LURAP1L: variants seen among roughly 807,000 people sequenced by gnomAD.
LURAP1L encodes the protein leucine rich adaptor protein 1 like.
LURAP1L carries 12 observed loss-of-function variants against 13.8 expected under a neutral mutation model. That is an observed-to-expected ratio of 0.87 (90% confidence interval 0.56 to 1.41). The LOEUF (loss-of-function observed/expected upper bound fraction) is 1.41. LURAP1L is among the 40% of genes most tolerant of loss of function. The pLI is 0.00. For missense variants in LURAP1L, 375 were observed against 292.9 expected (o/e 1.28, Z -2.04); for synonymous variants, 139 against 119.2 (o/e 1.17, Z -1.08).
chr9:12,783,463 T>A (rs1451874149), intron 1 of LURAP1L, among the ~76,000 whole-genome samples: 1 of 152,212 alleles, frequency 6.6e-6, no homozygotes, highest in African/African-American at 2.4e-5. Context: ...GAAATTATCA[T>A]ATGGTTTATT....
Position 12,821,609 on chromosome 9 carries a change from T to C in LURAP1L, c.536T>C (p.Val179Ala). 1 of 1,614,122 alleles carries C rather than the reference T, an allele frequency of 6.2e-7. No individual in the cohort carries two copies. Among genetic ancestry groups the C allele is most frequent in the Non-Finnish European group, 8.5e-7 (1 of 1,180,022 alleles). ...AGTGATGGGCTGGATGGCATTTCCG[T>C]GGGAAGTTATCTGGACACGTTGGCG... Reference protein sequence around the residue: ...DGSDGLDGISVGSYLDTLADD... With the variant: ...DGSDGLDGISAGSYLDTLADD... Residue 179 changes from valine (V) to alanine (A), a missense_variant, in exon 2 of 2, where the codon GTG becomes GCG. Transcript: ENST00000319264.
At chr9:12,818,806 C>T (rs983893688) in intron 1 of LURAP1L, among the ~76,000 whole-genome samples, 2 of 152,016 alleles carry the variant, frequency 1.3e-5, no homozygotes, top group South Asian at 2.1e-4. Context: ...TAAATGCAGC[C>T]GTGATTTATT....
chr9:12,822,343 G>T lies in LURAP1L; in HGVS notation c.*583G>T, dbSNP rs1182047483. ...GAAAGTCCCCAACTATACACATTCT[G>T]TTCAACCAACTCACCCTTGTGTTGG... is the stretch of plus-strand genomic sequence containing the variant. On this transcript the variant is annotated 3_prime_UTR_variant, in exon 2 of 2. Coordinates refer to ENST00000319264, the MANE Select transcript of LURAP1L (RefSeq NM_203403.2). Among the ~76,000 whole-genome samples the T allele has an allele frequency of 1.3e-5, 2 of 152,124 alleles. No homozygotes were observed. Among genetic ancestry groups the T allele is most frequent in the Admixed American group, 6.5e-5 (1 of 15,276 alleles).
intron 1 of LURAP1L, among the ~76,000 whole-genome samples, chr9:12,798,234 C>G (rs1472633627): frequency 6.6e-6 from 1 of 152,140 alleles, no homozygotes; most frequent in East Asian, 1.9e-4. Flanking sequence ...TGGACATGTC[C>G]TGATGAGCTC....
intron 1 of LURAP1L, among the ~76,000 whole-genome samples, chr9:12,818,079 C>T (rs796372256): frequency 1.2e-4 from 17 of 147,052 alleles, no homozygotes; most frequent in Admixed American, 4.9e-4. Flanking sequence ...TTGCTTGTGT[C>T]GTTTTTTTCC....
chr9:12,785,844 T>C (rs767511915), intron 1 of LURAP1L, among the ~76,000 whole-genome samples: 1 of 152,212 alleles, frequency 6.6e-6, no homozygotes, highest in East Asian at 1.9e-4. Flanking sequence ...GTTCACCTGA[T>C]ACTTGGTTCT....
At chr9:12,787,748 A>G (rs1819377400) in intron 1 of LURAP1L, among the ~76,000 whole-genome samples, 2 of 152,120 alleles carry the variant, frequency 1.3e-5, no homozygotes, top group South Asian at 4.1e-4. Flanking sequence ...GGGACAAAAA[A>G]TACTTCACCG....
chr9:12,802,520 G>T (rs2118516274), intron 1 of LURAP1L, among the ~76,000 whole-genome samples: 1 of 152,222 alleles, frequency 6.6e-6, no homozygotes, highest in South Asian at 2.1e-4. Context: ...GTTTCCTGAG[G>T]CCTCTCCAGA....
intron 1 of LURAP1L, among the ~76,000 whole-genome samples, chr9:12,820,395 CG>C (rs575657386): frequency 1.2e-3 from 175 of 149,486 alleles, no homozygotes; most frequent in Middle Eastern, 0.011. Context: ...CCCAGCTACT[CG>C]GGAGGCTGAG....
chr9:12,814,946 C>A (rs1367951612), intron 1 of LURAP1L, among the ~76,000 whole-genome samples: 2 of 152,130 alleles, frequency 1.3e-5, no homozygotes, highest in Non-Finnish European at 2.9e-5. Flanking sequence ...AAATTTTGAA[C>A]TGACTGAGAA....
At chr9:12,806,378 T>G (rs1053458595) in intron 1 of LURAP1L, among the ~76,000 whole-genome samples, 5 of 151,694 alleles carry the variant, frequency 3.3e-5, no homozygotes, top group Non-Finnish European at 5.9e-5. Flanking sequence ...ACCTTTGAGA[T>G]TATCTTTTTT....
chr9:12,798,834 T>C (rs778898334), intron 1 of LURAP1L, among the ~76,000 whole-genome samples: 12 of 152,204 alleles, frequency 7.9e-5, no homozygotes, highest in African/African-American at 1.2e-4. Context: ...ATCAGCAAAA[T>C]GTGCGAGTGA....
intron 1 of LURAP1L, among the ~76,000 whole-genome samples, chr9:12,784,969 CAGA>C (rs1179700919): frequency 6.6e-6 from 1 of 151,862 alleles, no homozygotes; most frequent in East Asian, 2.0e-4. Flanking sequence ...TTTCCTCAAG[CAGA>C]AGGAGTTTCT....
intron 1 of LURAP1L, among the ~76,000 whole-genome samples, chr9:12,794,371 T>C (rs149445228): frequency 1.4e-4 from 21 of 152,218 alleles, no homozygotes; most frequent in African/African-American, 5.1e-4. Context: ...TTTTTAAATA[T>C]CATTAAGTTG....
At chr9:12,796,733 C>T (rs1819516174) in intron 1 of LURAP1L, among the ~76,000 whole-genome samples, 1 of 151,870 alleles carries the variant, frequency 6.6e-6, no homozygotes, top group Non-Finnish European at 1.5e-5. Flanking sequence ...ATTTACTGAG[C>T]TCTCACATAG....
intron 1 of LURAP1L, chr9:12,777,462 G>A: frequency 1.0e-6 from 1 of 985,270 alleles, no homozygotes; most frequent in Non-Finnish European, 1.2e-6. Context: ...CTTAATATGA[G>A]GGACGAAGAC....
intron 1 of LURAP1L, among the ~76,000 whole-genome samples, chr9:12,809,702 A>G (rs1321837964): frequency 1.3e-5 from 2 of 152,204 alleles, no homozygotes; most frequent in East Asian, 1.9e-4. Context: ...AAGGCTGGAT[A>G]TGATATAAAA....
At position 12,775,949 on chromosome 9, in the gene LURAP1L, C is replaced by T. The variant is rs1385764190; in HGVS notation, c.234C>T (p.Thr78=). Residue 78 remains threonine, a synonymous_variant, in exon 1 of 2, where the codon ACC becomes ACT. Coordinates refer to ENST00000319264, the MANE Select transcript of LURAP1L (RefSeq NM_203403.2). ...SLSSSSSSSP[T]SGSPRGSHSS... The stretch of plus-strand genomic sequence containing the variant: ...CGTCCTCCTCTTCGTCCTCCCCAAC[C>T]TCTGGCTCCCCACGAGGTAGCCACT... 11 of 1,589,178 alleles carry T rather than the reference C, an allele frequency of 6.9e-6. No homozygotes were observed. The highest frequency in any genetic ancestry group is 2.7e-5 in the African/African-American group (2 of 74,334).
In LURAP1L at chr9:12,804,346, A is replaced by ATTTT. The variant is rs5896539; in HGVS notation, c.313-17027_313-17024dup. Among the ~76,000 whole-genome samples the ATTTT allele has an allele frequency of 5.8e-3, 817 of 141,446 alleles. 11 individuals are homozygous for ATTTT. Among genetic ancestry groups the ATTTT allele is most frequent in the African/African-American group, 0.021 (787 of 38,084 alleles). 92.8% of individuals were successfully genotyped at this position (141,446 alleles called of 152,430 possible). A position where few individuals can be genotyped will look rare whatever the true frequency, so the allele number is the denominator to read the frequency against. On this transcript the variant is annotated intron_variant, in intron 1 of 1. Coordinates refer to ENST00000319264, the MANE Select transcript of LURAP1L (RefSeq NM_203403.2). ...TGTGGCTCTGTTATTTTGTTATCTGATTTTTTTTTTTTTTTTGAGACAAAG... is the reference window on the plus strand; with the variant it reads ...TGTGGCTCTGTTATTTTGTTATCTGATTTTTTTTTTTTTTTTTTTTGAGACAAAG...
Sources: allele counts gnomAD v4.1 joint callset (sites outside exome capture counted in the v4.1 genomes callset), GRCh38; gene constraint gnomAD v4.1.1; transcripts MANE v1.5; gene names NCBI Gene and HGNC (gene_info 2026-07-23, HGNC 2026-07-21).